The following FAM83A variants were observed in gnomAD, a reference collection of about 807,000 sequenced individuals.
FAM83A encodes protein FAM83A.
Under a neutral mutation model 24.4 loss-of-function variants are expected in FAM83A, and 21 were observed. The observed-to-expected ratio is 0.86, with a 90% CI of 0.61 to 1.24. The LOEUF (loss-of-function observed/expected upper bound fraction) is 1.24, where lower values mean the gene tolerates loss of function less well. Ranked by LOEUF, FAM83A falls within the 50% of genes most tolerant of loss-of-function variation. FAM83A has a pLI of 0.00. For missense variants in FAM83A, 617 were observed against 579.8 expected (o/e 1.06, Z -0.66); for synonymous variants, 270 against 252.4 (o/e 1.07, Z -0.66).
intron 1 of FAM83A, among the ~76,000 whole-genome samples, chr8:123,189,738 G>C (rs1398996634): frequency 3.9e-5 from 6 of 152,146 alleles, no homozygotes; most frequent in Non-Finnish European, 8.8e-5. Flanking sequence ...CACCTTTCCA[G>C]ATTGAACCAA....
chr8:123,187,723 T>C (rs1471314055), intron 1 of FAM83A, among the ~76,000 whole-genome samples: 7 of 152,158 alleles, frequency 4.6e-5, no homozygotes, highest in Non-Finnish European at 8.8e-5. Flanking sequence ...AAGGGGGTCC[T>C]GACACAAAAT....
chr8:123,208,674 G>C, exon 4 of FAM83A: 1 of 985,440 alleles, frequency 1.0e-6, no homozygotes, highest in Non-Finnish European at 1.2e-6. Context: ...GCCTAGCTGA[G>C]TGCAAAGAAA....
At chr8:123,195,548 C>T (rs566310661) in intron 3 of FAM83A, among the ~76,000 whole-genome samples, 10 of 152,250 alleles carry the variant, frequency 6.6e-5, no homozygotes, top group African/African-American at 2.4e-4. Context: ...TGTCTTAGTC[C>T]ATTTGGGCTG....
At chr8:123,198,704 A>C (rs1200400674) in intron 3 of FAM83A, among the ~76,000 whole-genome samples, 2 of 152,198 alleles carry the variant, frequency 1.3e-5, no homozygotes, top group Non-Finnish European at 2.9e-5. Flanking sequence ...TATCTCATAC[A>C]TTATGCTTTC....
At chr8:123,199,897 C>G (rs1319318124) in intron 3 of FAM83A, 1 of 154,086 alleles carries the variant, frequency 6.5e-6, no homozygotes, top group Non-Finnish European at 1.5e-5. Flanking sequence ...TTCCCCCAGC[C>G]CTCAACCCTT....
chr8:123,188,576 C>G (rs1444174785), intron 1 of FAM83A, among the ~76,000 whole-genome samples: 1 of 151,910 alleles, frequency 6.6e-6, no homozygotes, highest in Non-Finnish European at 1.5e-5. Flanking sequence ...CTCTGCCTCC[C>G]AGGTTCAAGC....
chr8:123,183,948 A>G (rs1344969474), intron 1 of FAM83A, among the ~76,000 whole-genome samples: 1 of 152,040 alleles, frequency 6.6e-6, no homozygotes, highest in Non-Finnish European at 1.5e-5. Flanking sequence ...TGCCCACCTC[A>G]GCCTCCCAAA....
chr8:123,182,664 G>A (rs1417792347), upstream of FAM83A: 3 of 858,194 alleles, frequency 3.5e-6, no homozygotes, highest in East Asian at 2.6e-5. Flanking sequence ...AGCTGCAGAT[G>A]AGGAGTTCTG....
At chr8:123,193,671 T>C (rs1824051143) in intron 2 of FAM83A, among the ~76,000 whole-genome samples, 1 of 152,224 alleles carries the variant, frequency 6.6e-6, no homozygotes, top group Non-Finnish European at 1.5e-5. Context: ...CAGAAATTTA[T>C]TCCTCATGGT....
intron 3 of FAM83A, chr8:123,202,657 C>T (rs182578298): frequency 6.5e-6 from 1 of 152,698 alleles, no homozygotes; most frequent in African/African-American, 2.4e-5. Context: ...TGGGTTCTGA[C>T]CATTCAGTGT....
rs117081171 is a variant in FAM83A at position 123,187,554 on chromosome 8, A to G, written c.480+4218A>G. 5.0e-3 allele frequency among the ~76,000 whole-genome samples: 758 copies of G among 152,352 alleles called. 5 individuals are homozygous for G. Among genetic ancestry groups the G allele is most frequent in the Non-Finnish European group, 7.4e-3 (504 of 68,040 alleles). On this transcript the variant is annotated intron_variant, in intron 1 of 3. Coordinates refer to ENST00000690554, the Ensembl canonical transcript of FAM83A. ...TTCATTAAAATTGTTATTTTATGTT[A>G]ACATACGATGGGCTTATTACTGATA...
At chr8:123,201,124 C>G (rs551656729) in intron 3 of FAM83A, 3 of 151,276 alleles carry the variant, frequency 2.0e-5, no homozygotes, top group African/African-American at 7.3e-5. Flanking sequence ...CCAGCCTGGG[C>G]GACAGAGTGA....
chr8:123,207,362 A>G, exon 4 of FAM83A: 2 of 1,611,188 alleles, frequency 1.2e-6, no homozygotes, highest in Non-Finnish European at 1.7e-6. Flanking sequence ...TGGCTCCGCC[A>G]GTGACCGCAC....
chr8:123,197,929 A>G (rs1824216375), intron 3 of FAM83A, among the ~76,000 whole-genome samples: 1 of 152,186 alleles, frequency 6.6e-6, no homozygotes, highest in Non-Finnish European at 1.5e-5. Context: ...CAGTAGTTTG[A>G]GACCAGCCTG....
upstream of FAM83A, among the ~76,000 whole-genome samples, chr8:123,180,874 T>C (rs1167818721): frequency 6.6e-6 from 1 of 152,068 alleles, no homozygotes; most frequent in East Asian, 1.9e-4. Context: ...AGATTGTGAA[T>C]TGGATTCCTT....
rs559388952 is a variant in FAM83A, at chr8:123,182,692, C to T, written c.-165C>T. On this transcript the variant is annotated 5_prime_UTR_variant, in exon 1 of 4. Coordinates refer to ENST00000690554, the Ensembl canonical transcript of FAM83A. ...GAGTTCTGAGAAGCATTGCTCAGGA[C>T]AGCGGTAAATCACTTCTTGGAGGTG... 5 of 1,010,628 alleles carry T rather than the reference C, an allele frequency of 4.9e-6. No individual in the cohort carries two copies. The South Asian group carries it at 6.9e-5, about 14-fold the overall frequency. 62.6% of individuals were successfully genotyped at this position (1,010,628 alleles called of 1,614,324 possible).
chr8:123,207,770 C>T (rs1586792123), exon 4 of FAM83A: 6 of 1,409,878 alleles, frequency 4.3e-6, no homozygotes, highest in Admixed American at 3.1e-5. Flanking sequence ...CGACGAGTGG[C>T]GTTGAGCCAC....
At chr8:123,197,138 A>T (rs1345290636) in intron 3 of FAM83A, among the ~76,000 whole-genome samples, 1 of 152,200 alleles carries the variant, frequency 6.6e-6, no homozygotes, top group Non-Finnish European at 1.5e-5. Context: ...GGAACTTGGC[A>T]TGTGGCAAAA....
chr8:123,185,890 A>G (rs1202916219), intron 1 of FAM83A, among the ~76,000 whole-genome samples: 1 of 152,116 alleles, frequency 6.6e-6, no homozygotes, highest in African/African-American at 2.4e-5. Context: ...CCCCAGATTC[A>G]AGCGATTCTC....
Sources: allele counts gnomAD v4.1 joint callset (sites outside exome capture counted in the v4.1 genomes callset), GRCh38; gene constraint gnomAD v4.1.1; transcripts MANE v1.5; gene names NCBI Gene and HGNC (gene_info 2026-07-23, HGNC 2026-07-21).